UNC80: variants seen among roughly 807,000 people sequenced by gnomAD.
UNC80 encodes protein unc-80 homolog.
UNC80 carries 164 observed loss-of-function variants against 384.6 expected under a neutral mutation model. The ratio of observed to expected loss-of-function variants is 0.43; its 90% CI spans 0.38 to 0.49. The LOEUF is 0.49. Ranked by LOEUF, UNC80 falls within the 20% of genes least tolerant of loss-of-function variation. The pLI is 0.00. For synonymous variants in UNC80, 1,486 were observed against 1,527.8 expected, an observed-to-expected ratio of 0.97 and a Z score of 0.64; for missense variants, 3,330 against 4,143.0, an observed-to-expected ratio of 0.80 and a Z score of 5.39.
chr2:209,822,508 G>T (rs1232190482), intron 13 of UNC80, among the ~76,000 whole-genome samples: 5 of 152,072 alleles, frequency 3.3e-5, no homozygotes. Flanking sequence ...TGGACAAAGA[G>T]ATTAGAAGTG....
chr2:209,855,524 A>G (rs949469887), intron 22 of UNC80, among the ~76,000 whole-genome samples: 5 of 152,164 alleles, frequency 3.3e-5, no homozygotes, highest in African/African-American at 1.2e-4. Context: ...GAATTTAAAG[A>G]AAAAAATCTA....
intron 7 of UNC80, among the ~76,000 whole-genome samples, chr2:209,804,269 AGTTTTGAAATTAAG>A (rs1172020655): frequency 6.6e-6 from 1 of 152,166 alleles, no homozygotes; most frequent in Non-Finnish European, 1.5e-5. Flanking sequence ...CGTCCTTATT[AGTTTTGAAATTAAG>A]GTGGAAAAAT....
Position 209,954,161 on chromosome 2 carries a change from C to G in UNC80, c.7348C>G (p.Gln2450Glu). The stretch of plus-strand genomic sequence containing the variant: ...ATGTTACCTACAAAAGCTAAAGAGG[C>G]AGACATCACAGGTGGAGACAGTACC... ...VPCYLQKLKRQTSQVETVPAA... is the reference protein window; with the variant it reads ...VPCYLQKLKRETSQVETVPAA... Residue 2450 changes from glutamine (Q) to glutamate (E), a missense_variant, in exon 48 of 65, where the codon CAG becomes GAG. This residue lies in a region of UNC80 where 1,049 missense variants were observed against 1,488.6 expected (regional missense o/e 0.70). Transcript: ENST00000673920. 6.4e-7 allele frequency: 1 copy of G among 1,551,124 alleles called. No homozygotes were observed. The highest frequency in any genetic ancestry group is 1.2e-5 in the South Asian group (1 of 84,024).
chr2:209,844,647 T>C (rs541414477), intron 21 of UNC80, among the ~76,000 whole-genome samples: 19 of 151,464 alleles, frequency 1.3e-4, no homozygotes, highest in African/African-American at 4.4e-4. Context: ...TGGAGTGCAA[T>C]GGTACAATCA....
intron 21 of UNC80, among the ~76,000 whole-genome samples, chr2:209,848,573 C>T (rs1251947379): frequency 2.0e-5 from 3 of 152,134 alleles, no homozygotes; most frequent in Non-Finnish European, 2.9e-5. Context: ...CTTTCATGCT[C>T]TTTTAAATGT....
intron 4 of UNC80, among the ~76,000 whole-genome samples, chr2:209,778,723 C>A (rs1233834995): frequency 6.6e-6 from 1 of 152,182 alleles, no homozygotes; most frequent in Admixed American, 6.5e-5. Context: ...CTATTCGTTA[C>A]TTCTGTGAAT....
intron 21 of UNC80, among the ~76,000 whole-genome samples, chr2:209,847,481 G>A (rs142482291): frequency 5.3e-5 from 8 of 151,948 alleles, no homozygotes; most frequent in African/African-American, 9.6e-5. Flanking sequence ...TACGTCCTGT[G>A]CTTATAGGAT....
chr2:209,980,960 C>T (rs560748127), intron 59 of UNC80, among the ~76,000 whole-genome samples: 1 of 152,068 alleles, frequency 6.6e-6, no homozygotes, highest in Non-Finnish European at 1.5e-5. Flanking sequence ...ATTCTCTTTC[C>T]TGTGGACATA....
intron 6 of UNC80, among the ~76,000 whole-genome samples, chr2:209,789,829 C>A (rs1169595362): frequency 3.3e-5 from 5 of 151,878 alleles, no homozygotes; most frequent in African/African-American, 1.2e-4. Flanking sequence ...CCATATACGA[C>A]TAGTATTTTA....
intron 22 of UNC80, among the ~76,000 whole-genome samples, chr2:209,858,333 A>C (rs1463873894): frequency 1.3e-5 from 2 of 152,150 alleles, no homozygotes; most frequent in Non-Finnish European, 2.9e-5. Context: ...TTAGGTTAGT[A>C]TTGGCTGGGC....
At chr2:209,844,955 T>C (rs1393615643) in intron 21 of UNC80, 1 of 152,048 alleles carries the variant, frequency 6.6e-6, no homozygotes, top group Non-Finnish European at 1.5e-5. Flanking sequence ...TGAATGTGTA[T>C]ATCCTCCAAA....
At chr2:209,974,819 A>C (rs559919152) in intron 56 of UNC80, among the ~76,000 whole-genome samples, 1 of 152,292 alleles carries the variant, frequency 6.6e-6, no homozygotes, top group Admixed American at 6.5e-5. Context: ...AGGCTGATGG[A>C]GGTTTAGGTG....
rs376839202 is a variant in UNC80 at position 209,840,668 on chromosome 2, TGTAA to T, written c.3357+23_3357+26del. ...TCCAAGGTAAACAGGACATAACTTG[TGTAA>T]GTGACTGTTGAAGTCGCTGATACAA... On this transcript the variant is annotated intron_variant, in intron 20 of 64. Transcript: ENST00000673920. 162 of 1,539,660 alleles carry T rather than the reference TGTAA, an allele frequency of 1.1e-4. No homozygotes were observed. The African/African-American group carries it at 2.0e-3, about 19-fold the overall frequency.
chr2:209,866,533 CAGAGAGAGAG>C (rs369408644), intron 22 of UNC80, among the ~76,000 whole-genome samples: 4 of 104,136 alleles, frequency 3.8e-5, no homozygotes, highest in African/African-American at 8.0e-5. Context: ...CACACACACA[CAGAGAGAGAG>C]AGAGAGAGAG....
chr2:209,915,404 C>CAAAA (rs5838189), intron 31 of UNC80, among the ~76,000 whole-genome samples: 1 of 76,984 alleles, frequency 1.3e-5, no homozygotes, highest in African/African-American at 5.0e-5. Flanking sequence ...GACTCTGTCT[C>CAAAA]AAAAAAAAAA....
At chr2:209,780,162 C>T (rs73074784) in intron 4 of UNC80, among the ~76,000 whole-genome samples, 22,303 of 152,116 alleles carry the variant, frequency 0.15, 2,461 homozygotes, top group African/African-American at 0.3. Context: ...CAAGATCTCC[C>T]TTCAGGAGTG....
rs747679384 is a variant in UNC80, at chr2:209,840,523, T to C, written c.3251-19T>C. ...ATAGAAAATGCTACATTGATCTAAGTGATTTAACTATTAAATAGGGAACTG... is the reference window on the plus strand; with the variant it reads ...ATAGAAAATGCTACATTGATCTAAGCGATTTAACTATTAAATAGGGAACTG... On this transcript the variant is annotated intron_variant, in intron 19 of 64. Transcript: ENST00000673920. 5.2e-6 allele frequency: 8 copies of C among 1,541,478 alleles called. No homozygotes were observed. The highest frequency in any genetic ancestry group is 1.4e-5 in the African/African-American group (1 of 72,836).
Position 209,972,131 on chromosome 2 carries a change from C to T in UNC80, c.8257-70C>T, listed in dbSNP as rs115259281. On this transcript the variant is annotated intron_variant, in intron 54 of 64. Transcript: ENST00000673920. ...GCAGGGAGTCACCGTCTCCATCATACTGTGTAAAAACAAACATACTAAATG... is the reference window on the plus strand; with the variant it reads ...GCAGGGAGTCACCGTCTCCATCATATTGTGTAAAAACAAACATACTAAATG... The T allele has an allele frequency of 5.6e-3, 8,426 of 1,515,254 alleles. 45 individuals are homozygous for T. Among genetic ancestry groups the T allele is most frequent in the Non-Finnish European group, 5.8e-3 (6,581 of 1,126,466 alleles). 93.9% of individuals were successfully genotyped at this position (1,515,254 alleles called of 1,614,324 possible).
At chr2:209,785,193 CTAAG>C (rs1440809934) in intron 4 of UNC80, among the ~76,000 whole-genome samples, 1 of 152,158 alleles carries the variant, frequency 6.6e-6, no homozygotes, top group Non-Finnish European at 1.5e-5. Context: ...AATCACTGCT[CTAAG>C]TGAGTTCCTG....
Sources: gnomAD v4.1 joint callset for allele counts (sites outside exome capture counted in the v4.1 genomes callset) on GRCh38, gnomAD v4.1.1 for gene constraint, gnomAD v4.1.1 regional missense constraint, MANE v1.5 for transcripts, NCBI Gene and HGNC (gene_info 2026-07-23, HGNC 2026-07-21) for gene names.